The following PCDHA10 variants were observed in gnomAD, a reference collection of about 807,000 sequenced individuals.
The protein encoded by PCDHA10 is protocadherin alpha-10.
Under a neutral mutation model 61.2 loss-of-function variants are expected in PCDHA10, and 45 were observed. The observed-to-expected ratio is 0.74, with a 90% CI of 0.58 to 0.94. The LOEUF (loss-of-function observed/expected upper bound fraction) is 0.94, where lower values mean the gene tolerates loss of function less well. Ranked by LOEUF, PCDHA10 falls within the 40% of genes least tolerant of loss-of-function variation. The pLI is 0.00. For missense variants in PCDHA10, 1,278 were observed against 1,236.2 expected (o/e 1.03, Z -0.51); for synonymous variants, 602 against 548.8 (o/e 1.10, Z -1.35).
chr5:140,910,580 C>T (rs1384259049), intron 1 of PCDHA10, among the ~76,000 whole-genome samples: 1 of 152,162 alleles, frequency 6.6e-6, no homozygotes, highest in Non-Finnish European at 1.5e-5. Flanking sequence ...CTGGATCCTC[C>T]CAGCTGGGAT....
chr5:140,867,956 C>T (rs1581824842), intron 1 of PCDHA10: 1 of 151,940 alleles, frequency 6.6e-6, no homozygotes, highest in East Asian at 1.9e-4. Context: ...GCTCCCAAAC[C>T]CAAAATTCTT....
chr5:140,941,527 G>A (rs1324655767), intron 1 of PCDHA10, among the ~76,000 whole-genome samples: 1 of 151,580 alleles, frequency 6.6e-6, no homozygotes, highest in African/African-American at 2.4e-5. Flanking sequence ...ATCTTGACCA[G>A]GCTGGTCTTG....
intron 1 of PCDHA10, among the ~76,000 whole-genome samples, chr5:140,894,305 T>A (rs1318862417): frequency 6.6e-6 from 1 of 152,078 alleles, no homozygotes; most frequent in East Asian, 1.9e-4. Context: ...TCCTGGAAAG[T>A]TTTCTTAAAT....
intron 1 of PCDHA10, among the ~76,000 whole-genome samples, chr5:140,958,652 G>C (rs991773774): frequency 6.6e-6 from 1 of 152,030 alleles, no homozygotes; most frequent in East Asian, 1.9e-4. Context: ...ATCACAGAAA[G>C]CTATGATGAA....
At chr5:140,958,301 TA>T (rs2095417556) in intron 1 of PCDHA10, among the ~76,000 whole-genome samples, 1 of 152,248 alleles carries the variant, frequency 6.6e-6, no homozygotes, top group African/African-American at 2.4e-5. Flanking sequence ...TGAACTTAAT[TA>T]AAATAAATTA....
At chr5:140,879,329 T>A (rs2057946411) in intron 1 of PCDHA10, among the ~76,000 whole-genome samples, 1 of 152,182 alleles carries the variant, frequency 6.6e-6, no homozygotes, top group Non-Finnish European at 1.5e-5. Context: ...ACTTTTTTAG[T>A]TTGTTCAGCT....
intron 3 of PCDHA10, among the ~76,000 whole-genome samples, chr5:140,999,859 C>T (rs2153959609): frequency 6.6e-6 from 1 of 152,256 alleles, no homozygotes; most frequent in South Asian, 2.1e-4. Context: ...TCTTCCGCTC[C>T]AAGATTACTG....
At chr5:140,969,149 G>A (rs782510891) in intron 1 of PCDHA10, 89 of 1,614,002 alleles carry the variant, frequency 5.5e-5, no homozygotes, top group Non-Finnish European at 6.8e-5. Context: ...CTGCTACAAG[G>A]CCTGTCTGAC....
intron 3 of PCDHA10, among the ~76,000 whole-genome samples, chr5:141,002,446 G>T (rs1456078562): frequency 1.3e-5 from 2 of 152,156 alleles, no homozygotes; most frequent in Admixed American, 6.5e-5. Context: ...ATAATAATTG[G>T]CACATTTGTA....
At chr5:140,925,971 A>C (rs2082843743) in intron 1 of PCDHA10, among the ~76,000 whole-genome samples, 1 of 152,190 alleles carries the variant, frequency 6.6e-6, no homozygotes, top group African/African-American at 2.4e-5. Flanking sequence ...ACGCAAAAAA[A>C]AAGCCTTGAG....
intron 1 of PCDHA10, among the ~76,000 whole-genome samples, chr5:140,954,602 A>G (rs2095062634): frequency 6.6e-6 from 1 of 152,120 alleles, no homozygotes; most frequent in South Asian, 2.1e-4. Flanking sequence ...TTCTTTGCCC[A>G]CTTTTTAATG....
At chr5:140,954,275 T>C (rs1447578594) in intron 1 of PCDHA10, among the ~76,000 whole-genome samples, 1 of 152,218 alleles carries the variant, frequency 6.6e-6, no homozygotes, top group Non-Finnish European at 1.5e-5. Context: ...AATAGGATGA[T>C]TTATATTCCT....
At position 140,978,933 on chromosome 5, in the gene PCDHA10, C is replaced by CT. The variant is rs1179085898; in HGVS notation, c.2389-13dup. The stretch of plus-strand genomic sequence containing the variant: ...TCTTGTCATTTTAACAGAAAACTCT[C>CT]TTTGTGATTTTGCAGCCACGACAGC... On this transcript the variant is annotated splice_polypyrimidine_tract_variant and intron_variant, in intron 1 of 3. Coordinates refer to ENST00000307360, the MANE Select transcript of PCDHA10 (RefSeq NM_018901.4). 8 of 1,613,976 alleles carry CT rather than the reference C, an allele frequency of 5.0e-6. No homozygotes were observed. The highest frequency in any genetic ancestry group is 1.7e-5 in the Admixed American group (1 of 59,984).
At chr5:141,001,536 A>G (rs562513933) in intron 3 of PCDHA10, among the ~76,000 whole-genome samples, 153 of 152,240 alleles carry the variant, frequency 1.0e-3, no homozygotes, top group African/African-American at 3.5e-3. Context: ...CTGATCCTGG[A>G]CAGGATTTGG....
In PCDHA10 at chr5:140,906,646, G is replaced by T. The variant is rs1473127161; in HGVS notation, c.2388+48210G>T. On this transcript the variant is annotated intron_variant, in intron 1 of 3. Coordinates refer to ENST00000307360, the MANE Select transcript of PCDHA10 (RefSeq NM_018901.4). ...TCAGCAAGCACCTCAGCAGGTAGTG[G>T]TTTTTTCCTGGTGTAGTGACCCAAA... Among the ~76,000 whole-genome samples the T allele has an allele frequency of 2.0e-5, 3 of 152,192 alleles. No individual in the cohort carries two copies. In the East Asian group the frequency reaches 5.8e-4, roughly 29 times the overall value.
Position 141,011,060 on chromosome 5 carries a change from A to G in PCDHA10, c.*1123A>G, listed in dbSNP as rs1588257572. On this transcript the variant is annotated 3_prime_UTR_variant, in exon 4 of 4. Coordinates refer to ENST00000307360, the MANE Select transcript of PCDHA10 (RefSeq NM_018901.4). ...AGGTCACTCTGGGGCTGCCTCTTGC[A>G]TGTATTACTAAATAAAATGATCTCT... is the stretch of plus-strand genomic sequence containing the variant. 1.3e-5 allele frequency: 2 copies of G among 153,758 alleles called. No individual in the cohort carries two copies. Among genetic ancestry groups the G allele is most frequent in the Non-Finnish European group, 2.9e-5 (2 of 68,046 alleles). The allele number at this position is 153,758 out of a possible 1,614,324, so 9.5% of individuals were successfully genotyped here. A position where few individuals can be genotyped will look rare whatever the true frequency, so the allele number is the denominator to read the frequency against.
intron 1 of PCDHA10, among the ~76,000 whole-genome samples, chr5:140,955,093 G>A (rs1554221774): frequency 6.6e-6 from 1 of 152,118 alleles, no homozygotes; most frequent in African/African-American, 2.4e-5. Flanking sequence ...TAGGTGTGTG[G>A]TGTTATTTCT....
chr5:140,883,503 C>T (rs782604086), intron 1 of PCDHA10: 7 of 1,614,204 alleles, frequency 4.3e-6, no homozygotes, highest in Non-Finnish European at 5.9e-6. Flanking sequence ...CTGGACAGCG[C>T]CCTGGACCGC....
chr5:140,857,555 C>G lies in PCDHA10; in HGVS notation c.1507C>G (p.Leu503Val). 6.3e-7 allele frequency: 1 copy of G among 1,597,062 alleles called. No individual in the cohort carries two copies. Among genetic ancestry groups the G allele is most frequent in the East Asian group, 2.2e-5 (1 of 44,818 alleles). Reference protein sequence around the residue: ...LVERRLGERSLSSYVSVHAES... With the variant: ...LVERRLGERSVSSYVSVHAES... ...GGAGCGGCGGTTGGGCGAGCGCTCGCTGTCGAGCTACGTGTCGGTGCACGC... is the reference window on the plus strand; with the variant it reads ...GGAGCGGCGGTTGGGCGAGCGCTCGGTGTCGAGCTACGTGTCGGTGCACGC... The change falls in exon 1 of 4, where the codon CTG becomes GTG. Residue 503 changes from leucine to valine, a missense_variant. By Grantham distance (32) the Leu-to-Val change is conservative (BLOSUM62 1). Coordinates refer to ENST00000307360, the MANE Select transcript of PCDHA10 (RefSeq NM_018901.4).
Sources: allele counts gnomAD v4.1 joint callset (sites outside exome capture counted in the v4.1 genomes callset), GRCh38; gene constraint gnomAD v4.1.1; transcripts MANE v1.5; gene names NCBI Gene and HGNC (gene_info 2026-07-23, HGNC 2026-07-21).